Variants in LFNG observed in about 807,000 individuals in gnomAD.
LFNG encodes the protein beta-1,3-N-acetylglucosaminyltransferase lunatic fringe.
LFNG carries 15 observed loss-of-function variants against 32.7 expected under a neutral mutation model. The ratio of observed to expected loss-of-function variants is 0.46; its 90% CI spans 0.31 to 0.71. The LOEUF (loss-of-function observed/expected upper bound fraction) is 0.71. LFNG is among the 30% of genes least tolerant of loss of function. The pLI, the probability that LFNG is intolerant of heterozygous loss-of-function variation, is 0.06. For missense variants in LFNG, 520 were observed against 545.7 expected (o/e 0.95, Z 0.47); for synonymous variants, 274 against 246.8 (o/e 1.11, Z -1.03).
chr7:2,523,489 T>C (rs1475053753), intron 1 of LFNG: 2 of 152,434 alleles, frequency 1.3e-5, no homozygotes, highest in African/African-American at 4.8e-5. Flanking sequence ...ATCAGGGGGT[T>C]GTCCCTTGGT....
chr7:2,512,559 CA>C, exon 1 of LFNG: 1 of 1,103,352 alleles, frequency 9.1e-7, no homozygotes, highest in South Asian at 1.3e-5. Context: ...CAGAGCCTCC[CA>C]AGGAAGGGAG....
chr7:2,516,515 G>A (rs1779631897), upstream of LFNG, among the ~76,000 whole-genome samples: 1 of 152,216 alleles, frequency 6.6e-6, no homozygotes. Flanking sequence ...ACTGACTCCA[G>A]CAGGAGAACC....
chr7:2,517,920 G>C, upstream of LFNG: 1 of 1,156,120 alleles, frequency 8.6e-7, no homozygotes, highest in South Asian at 1.7e-5. Context: ...TTGTCCAGCT[G>C]CTGCGTGGAG....
At chr7:2,528,781 A>G, downstream of LFNG, 1 of 649,800 alleles carries the variant, frequency 1.5e-6, no homozygotes, top group Admixed American at 2.4e-5. Context: ...TGCAGGAGGG[A>G]CAGTGACTCC....
In LFNG at chr7:2,527,533, C is replaced by T; in HGVS notation, c.*321C>T. The T allele has an allele frequency of 7.7e-7, 1 of 1,303,574 alleles. No homozygotes were observed. The allele number at this position is 1,303,574 out of a possible 1,614,324, so 80.8% of individuals were successfully genotyped here. Reference sequence around the variant, plus strand: ...ATTCTGTTAGGATTTTTGGATCTTTCTACAGCTACGGGGCTCCGGGCTACT... The same window carrying T: ...ATTCTGTTAGGATTTTTGGATCTTTTTACAGCTACGGGGCTCCGGGCTACT... On this transcript the variant is annotated 3_prime_UTR_variant, in exon 8 of 8. Coordinates refer to ENST00000222725, the MANE Select transcript of LFNG (RefSeq NM_001040167.2). This position sits in a 1 kb window ranked among gnomAD's most constrained non-coding sequence, Gnocchi z 4.4.
downstream of LFNG, chr7:2,529,067 G>A (rs1354564117): frequency 7.3e-6 from 3 of 413,084 alleles, no homozygotes; most frequent in African/African-American, 6.2e-5. This position sits in a 1 kb window ranked among gnomAD's most constrained non-coding sequence, Gnocchi z 4.2. Flanking sequence ...AAGAGTCCTG[G>A]AGAGCAGGAG....
downstream of LFNG, chr7:2,528,455 A>C (rs774758852): frequency 1.0e-6 from 1 of 993,070 alleles, no homozygotes; most frequent in African/African-American, 1.7e-5. Flanking sequence ...TCTTGGCTGG[A>C]GGTGGGGCCT....
Position 2,520,092 on chromosome 7 carries a change from C to T in LFNG, c.231C>T (p.Tyr77=). Residue 77 remains tyrosine (Y), a synonymous_variant, in exon 1 of 8, where the codon TAC becomes TAT. Transcript: ENST00000222725. The surrounding 1 kb of genome is among the most constrained non-coding windows in gnomAD (Gnocchi z 5.0). ...GCGACGTGCACAGTCTGTCCGAGTA[C>T]TTCAGCCTGCTCACCCGCGCGCGCA... ...LVRDVHSLSE[Y]FSLLTRARRD... is the part of the protein sequence containing the mutation. 1 of 1,333,952 alleles carries T rather than the reference C, an allele frequency of 7.5e-7. No homozygotes were observed. The highest frequency in any genetic ancestry group is 9.7e-7 in the Non-Finnish European group (1 of 1,032,720). The allele number at this position is 1,333,952 out of a possible 1,614,324, so 82.6% of individuals were successfully genotyped here. A position where few individuals can be genotyped will look rare whatever the true frequency, so the allele number is the denominator to read the frequency against.
In LFNG at chr7:2,526,187, G is replaced by A; in HGVS notation, c.822-57G>A. ...GCCTTTGCCTGGTGGGGCCTCCCCA[G>A]CTCCCAGCAGATGGCTCCCGCCTCT... On this transcript the variant is annotated intron_variant, in intron 5 of 7. Transcript: ENST00000222725. The surrounding 1 kb of genome is among the most constrained non-coding windows in gnomAD (Gnocchi z 6.9). The A allele has an allele frequency of 1.3e-6, 2 of 1,598,404 alleles. No individual in the cohort carries two copies. Among genetic ancestry groups the A allele is most frequent in the African/African-American group, 1.3e-5 (1 of 74,878 alleles).
At chr7:2,528,936 G>T, downstream of LFNG, 1 of 509,612 alleles carries the variant, frequency 2.0e-6, no homozygotes, top group South Asian at 2.6e-5. Context: ...TGGTGGGCTG[G>T]GGAGGCGCTC....
chr7:2,526,801 G>T lies in LFNG; in HGVS notation c.988-35G>T. 2 of 1,600,924 alleles carry T rather than the reference G, an allele frequency of 1.2e-6. No individual in the cohort carries two copies. The highest frequency in any genetic ancestry group is 2.2e-5 in the East Asian group (1 of 44,744). On this transcript the variant is annotated intron_variant, in intron 6 of 7. Transcript: ENST00000222725. The surrounding 1 kb of genome is among the most constrained non-coding windows in gnomAD (Gnocchi z 6.9). ...CTGGGGCGGGGCCCAGGGATGTCGGGCCCCTCCCGGCATCACTCCGCCCGC... is the reference window on the plus strand; with the variant it reads ...CTGGGGCGGGGCCCAGGGATGTCGGTCCCCTCCCGGCATCACTCCGCCCGC...
At chr7:2,528,786 G>T, downstream of LFNG, 2 of 656,898 alleles carry the variant, frequency 3.0e-6, no homozygotes, top group South Asian at 3.3e-5. Context: ...GAGGGACAGT[G>T]ACTCCTGTGA....
At chr7:2,518,422 C>A (rs573520806), upstream of LFNG, 3 of 717,910 alleles carry the variant, frequency 4.2e-6, no homozygotes, top group East Asian at 8.0e-5. Flanking sequence ...GGGGTGGGGC[C>A]CCTGGGGCCC....
Position 2,527,441 on chromosome 7 carries a change from G to C in LFNG, c.*229G>C. Reference sequence around the variant, plus strand: ...AGCGCCACTTATGTGCCTCTGCTCCGAGGGCCAGTGGGCTGCAGGGCCTGC... The same window carrying C: ...AGCGCCACTTATGTGCCTCTGCTCCCAGGGCCAGTGGGCTGCAGGGCCTGC... On this transcript the variant is annotated 3_prime_UTR_variant, in exon 8 of 8. Coordinates refer to ENST00000222725, the MANE Select transcript of LFNG (RefSeq NM_001040167.2). The surrounding 1 kb of genome is among the most constrained non-coding windows in gnomAD (Gnocchi z 4.4). 7.0e-7 allele frequency: 1 copy of C among 1,438,322 alleles called. No homozygotes were observed. Among genetic ancestry groups the C allele is most frequent in the Non-Finnish European group, 9.1e-7 (1 of 1,095,078 alleles). The allele number at this position is 1,438,322 out of a possible 1,614,324, so 89.1% of individuals were successfully genotyped here.
In LFNG at chr7:2,526,395, G is replaced by C; in HGVS notation, c.973G>C (p.Glu325Gln). ...LENLQQVPTS[E>Q]LHEQVTLSYG... ...GAACCTGCAGCAGGTGCCCACCTCG[G>C]AGCTCCACGAGCAGGTGCACCATCC... is the stretch of plus-strand genomic sequence containing the variant. The change falls in exon 6 of 8, where the codon GAG (glutamate) becomes CAG (glutamine). Residue 325 changes from glutamate to glutamine, a missense_variant. This residue lies in a region of LFNG where 150 missense variants were observed against 159.9 expected (regional missense o/e 0.94). Transcript: ENST00000222725. The surrounding 1 kb of genome is among the most constrained non-coding windows in gnomAD (Gnocchi z 6.9). 6.2e-7 allele frequency: 1 copy of C among 1,608,196 alleles called. No individual in the cohort carries two copies. The highest frequency in any genetic ancestry group is 1.1e-5 in the South Asian group (1 of 91,060).
chr7:2,527,550 C>A lies in LFNG; in HGVS notation c.*338C>A. 1 of 1,263,452 alleles carries A rather than the reference C, an allele frequency of 7.9e-7. No homozygotes were observed. The highest frequency in any genetic ancestry group is 1.6e-5 in the South Asian group (1 of 63,612). 78.3% of individuals were successfully genotyped at this position (1,263,452 alleles called of 1,614,324 possible). A position where few individuals can be genotyped will look rare whatever the true frequency, so the allele number is the denominator to read the frequency against. ...GGATCTTTCTACAGCTACGGGGCTC[C>A]GGGCTACTTTGCAGGGATGCGATGC... On this transcript the variant is annotated 3_prime_UTR_variant, in exon 8 of 8. Coordinates refer to ENST00000222725, the MANE Select transcript of LFNG (RefSeq NM_001040167.2). This position sits in a 1 kb window ranked among gnomAD's most constrained non-coding sequence, Gnocchi z 4.4.
chr7:2,520,289 A>T lies in LFNG; in HGVS notation c.428A>T (p.Glu143Val). 1 of 1,607,600 alleles carries T rather than the reference A, an allele frequency of 6.2e-7. No homozygotes were observed. Among genetic ancestry groups the T allele is most frequent in the Non-Finnish European group, 8.5e-7 (1 of 1,177,604 alleles). Residue 143 changes from glutamate to valine, a missense_variant, in exon 1 of 8, where the codon GAG becomes GTG. Physicochemically the swap from Glu to Val is moderately radical, Grantham distance 121. This residue lies in a region of LFNG where 360 missense variants were observed against 354.7 expected (regional missense o/e 1.01). Coordinates refer to ENST00000222725, the MANE Select transcript of LFNG (RefSeq NM_001040167.2). This position sits in a 1 kb window ranked among gnomAD's most constrained non-coding sequence, Gnocchi z 5.0. ...GAGACCTGGATCTCGCGCCACAAGG[A>T]GATGGTGAGCCCCCCGCGGCCTGGA... ...LLETWISRHK[E>V]MTFIFTDGED...
downstream of LFNG, chr7:2,528,873 G>A: frequency 3.4e-6 from 2 of 581,320 alleles, no homozygotes. Flanking sequence ...TCACTTTGCA[G>A]GTGGGGAAAC....
At chr7:2,514,619 TATCCATCCATCCATTCATCCATGC>T (rs1779567608), upstream of LFNG, among the ~76,000 whole-genome samples, 2 of 147,234 alleles carry the variant, frequency 1.4e-5, no homozygotes, top group South Asian at 4.4e-4. Context: ...TTCATCTGTC[TATCCATCCATCCATTCATCCATGC>T]ATCCATCCAT....
Sources: gnomAD v4.1 joint callset for allele counts (sites outside exome capture counted in the v4.1 genomes callset) on GRCh38, gnomAD v4.1.1 for gene constraint, gnomAD v4.1.1 regional missense constraint, Gnocchi (gnomAD v3.1) non-coding constraint, MANE v1.5 for transcripts, NCBI Gene and HGNC (gene_info 2026-07-23, HGNC 2026-07-21) for gene names.